KIF26B: variants seen among roughly 807,000 people sequenced by gnomAD.
KIF26B encodes kinesin-like protein KIF26B.
Under a neutral mutation model 151.2 loss-of-function variants are expected in KIF26B, and 63 were observed. The ratio of observed to expected loss-of-function variants is 0.42; its 90% confidence interval spans 0.34 to 0.51. The LOEUF is 0.51. KIF26B is among the 20% of genes least tolerant of loss of function. The pLI, the probability that KIF26B is intolerant of heterozygous loss-of-function variation, is 0.07. For synonymous variants in KIF26B, 1,357 were observed against 1,262.1 expected, an observed-to-expected ratio of 1.08 and a Z score of -1.59; for missense variants, 2,813 against 2,913.6, an observed-to-expected ratio of 0.97 and a Z score of 0.79.
intron 2 of KIF26B, among the ~76,000 whole-genome samples, chr1:245,182,034 C>G (rs539680009): frequency 2.0e-5 from 3 of 152,044 alleles, no homozygotes; most frequent in Non-Finnish European, 4.4e-5. Flanking sequence ...AACTCTTGGC[C>G]AATTAGGAAT....
chr1:245,199,281 C>A (rs530134471), intron 2 of KIF26B, among the ~76,000 whole-genome samples: 7 of 152,206 alleles, frequency 4.6e-5, no homozygotes, highest in Admixed American at 4.6e-4. Context: ...GGCAAATACA[C>A]GCAAGTGTGC....
At position 245,489,231 on chromosome 1, in the gene KIF26B, A is replaced by C. The variant is rs144903357; in HGVS notation, c.1167-51536A>C. On this transcript the variant is annotated intron_variant, in intron 4 of 14. Transcript: ENST00000407071. ...TTGAATAAACTTATTGAAACACCCT[A>C]AGGAGAACTCAGACATCCTTTTCAA... Among the ~76,000 whole-genome samples, 602 of 152,322 alleles carry C rather than the reference A, an allele frequency of 4.0e-3. 6 individuals are homozygous for C. The highest frequency in any genetic ancestry group is 0.014 in the African/African-American group (563 of 41,562).
intron 9 of KIF26B, among the ~76,000 whole-genome samples, chr1:245,625,404 C>G (rs2043712937): frequency 6.6e-6 from 1 of 152,094 alleles, no homozygotes; most frequent in Non-Finnish European, 1.5e-5. Context: ...GTGTTCTGAC[C>G]CAGGAGCACA....
At chr1:245,231,269 C>A (rs1178884680) in intron 2 of KIF26B, among the ~76,000 whole-genome samples, 2 of 152,150 alleles carry the variant, frequency 1.3e-5, no homozygotes, top group African/African-American at 2.4e-5. Context: ...AATCCCAGCA[C>A]TTTGGGAGGC....
Position 245,688,323 on chromosome 1 carries a change from G to A in KIF26B, c.5340G>A (p.Thr1780=), listed in dbSNP as rs1475531818. 3 of 1,593,842 alleles carry A rather than the reference G, an allele frequency of 1.9e-6. No homozygotes were observed. The highest frequency in any genetic ancestry group is 1.3e-5 in the African/African-American group (1 of 74,634). The change falls in exon 12 of 15, where the codon ACG becomes ACA. Residue 1780 remains threonine (T), a synonymous_variant. Transcript: ENST00000407071. The part of the protein sequence containing the change: ...GSSSPPGGKH[T]PWSTQSLSRN... ...GCTCGCCCCCCGGTGGGAAGCACAC[G>A]CCCTGGTCCACGCAGTCCCTCAGCA...
intron 2 of KIF26B, among the ~76,000 whole-genome samples, chr1:245,272,457 A>G (rs1244008038): frequency 6.6e-6 from 1 of 151,848 alleles, no homozygotes; most frequent in East Asian, 1.9e-4. Flanking sequence ...TCTTTTAAAA[A>G]AATCAAGTCT....
Position 245,348,848 on chromosome 1 carries a change from C to A in KIF26B, c.466-17986C>A, listed in dbSNP as rs148443531. On this transcript the variant is annotated intron_variant, in intron 2 of 14. Coordinates refer to ENST00000407071, the MANE Select transcript of KIF26B (RefSeq NM_018012.4). ...TCCTTCATGTCTGCCTGCTCCCCTG[C>A]CTGGGTCGCTTCCCCACGATGCCTG... is the stretch of plus-strand genomic sequence containing the variant. Among the ~76,000 whole-genome samples, 1,110 of 152,296 alleles carry A rather than the reference C, an allele frequency of 7.3e-3. 12 individuals carry two copies. The highest frequency in any genetic ancestry group is 8.0e-3 in the Non-Finnish European group (542 of 68,020).
intron 5 of KIF26B, among the ~76,000 whole-genome samples, chr1:245,578,328 A>G (rs1005167331): frequency 6.6e-6 from 1 of 152,234 alleles, no homozygotes; most frequent in African/African-American, 2.4e-5. Flanking sequence ...ACTCGTTCTC[A>G]GCCAGGTAGA....
chr1:245,443,724 C>T (rs377512428), intron 4 of KIF26B, among the ~76,000 whole-genome samples: 33 of 69,258 alleles, frequency 4.8e-4, no homozygotes, highest in South Asian at 8.3e-4. Context: ...TCACCTAGAG[C>T]GGTCATCTCC....
At chr1:245,197,394 C>T (rs1669214373) in intron 2 of KIF26B, among the ~76,000 whole-genome samples, 2 of 152,132 alleles carry the variant, frequency 1.3e-5, no homozygotes, top group Admixed American at 1.3e-4. Context: ...AGGCTTCGTT[C>T]CCAGGTTATT....
Position 245,702,508 on chromosome 1 carries a change from C to T in KIF26B, c.6229C>T (p.Leu2077=), listed in dbSNP as rs61734433. The T allele has an allele frequency of 8.4e-3, 13,576 of 1,613,910 alleles. 69 individuals are homozygous for T. Among genetic ancestry groups the T allele is most frequent in the Non-Finnish European group, 0.01 (11,813 of 1,179,870 alleles). The change falls in exon 15 of 15, where the codon CTG becomes TTG. Residue 2077 remains leucine (L), a synonymous_variant. Coordinates refer to ENST00000407071, the MANE Select transcript of KIF26B (RefSeq NM_018012.4). The surrounding 1 kb of genome is among the most constrained non-coding windows in gnomAD (Gnocchi z 4.1). The stretch of plus-strand genomic sequence containing the variant: ...GGATTCCCTGGAGTACCTGGAGGCA[C>T]TGGAGTGTGTGACGGAGCGCCTGGA... ...ELDSLEYLEA[L]ECVTERLESR...
At chr1:245,696,523 T>C (rs561036631) in intron 12 of KIF26B, among the ~76,000 whole-genome samples, 9 of 152,230 alleles carry the variant, frequency 5.9e-5, no homozygotes, top group African/African-American at 2.2e-4. Flanking sequence ...TTTTAGCCGC[T>C]GGGTTTGGGG....
intron 2 of KIF26B, among the ~76,000 whole-genome samples, chr1:245,180,024 A>G (rs772294244): frequency 6.6e-6 from 1 of 152,234 alleles, no homozygotes; most frequent in Non-Finnish European, 1.5e-5. Flanking sequence ...GAACTGTAAG[A>G]GGACCATGTC....
intron 5 of KIF26B, among the ~76,000 whole-genome samples, chr1:245,552,004 T>C (rs1217136539): frequency 6.6e-6 from 1 of 152,130 alleles, no homozygotes; most frequent in African/African-American, 2.4e-5. Flanking sequence ...GGCCATGTCC[T>C]TCTTGTTCCC....
At position 245,575,155 on chromosome 1, in the gene KIF26B, G is replaced by A. The variant is rs146891210; in HGVS notation, c.1351-27422G>A. 4.4e-3 allele frequency among the ~76,000 whole-genome samples: 655 copies of A among 149,480 alleles called. 5 individuals carry two copies. The highest frequency in any genetic ancestry group is 0.014 in the African/African-American group (569 of 40,850). On this transcript the variant is annotated intron_variant, in intron 5 of 14. Coordinates refer to ENST00000407071, the MANE Select transcript of KIF26B (RefSeq NM_018012.4). The stretch of plus-strand genomic sequence containing the variant: ...ACTGGGATTACAGGCTCAAGCCACC[G>A]CGCCTGGCCTTTTATATCTTTTTCA...
intron 9 of KIF26B, among the ~76,000 whole-genome samples, chr1:245,624,285 A>G (rs1163465549): frequency 3.6e-5 from 1 of 27,696 alleles, no homozygotes; most frequent in Non-Finnish European, 7.2e-5. Flanking sequence ...GAATATTTGA[A>G]AAAAAAAAAA....
chr1:245,170,655 T>C lies in KIF26B; in HGVS notation c.465+13972T>C, dbSNP rs1573685619. Among the ~76,000 whole-genome samples the C allele has an allele frequency of 6.6e-6, 1 of 152,226 alleles. No homozygotes were observed. The highest frequency in any genetic ancestry group is 1.9e-4 in the East Asian group (1 of 5,196). On this transcript the variant is annotated intron_variant, in intron 2 of 14. Coordinates refer to ENST00000407071, the MANE Select transcript of KIF26B (RefSeq NM_018012.4). The surrounding 1 kb of genome is among the most constrained non-coding windows in gnomAD (Gnocchi z 4.4). Reference sequence around the variant, plus strand: ...TGATTCATAGATGGCACTGTCTTGCTGTGTCCTCACGTAGTGGAAGGGACT... The same window carrying C: ...TGATTCATAGATGGCACTGTCTTGCCGTGTCCTCACGTAGTGGAAGGGACT...
At chr1:245,690,984 C>T (rs1226359494) in intron 12 of KIF26B, among the ~76,000 whole-genome samples, 1 of 152,194 alleles carries the variant, frequency 6.6e-6, no homozygotes, top group Non-Finnish European at 1.5e-5. Context: ...GGTTAATGAA[C>T]TCTTGTTATT....
chr1:245,220,347 C>G (rs1195598684), intron 2 of KIF26B, among the ~76,000 whole-genome samples: 1 of 152,170 alleles, frequency 6.6e-6, no homozygotes, highest in Non-Finnish European at 1.5e-5. Context: ...AGAATGATCA[C>G]TGACTCCACT....
Sources: gnomAD v4.1 joint callset for allele counts (sites outside exome capture counted in the v4.1 genomes callset) on GRCh38, gnomAD v4.1.1 for gene constraint, Gnocchi (gnomAD v3.1) non-coding constraint, MANE v1.5 for transcripts, NCBI Gene and HGNC (gene_info 2026-07-23, HGNC 2026-07-21) for gene names.